The following ARHGAP44 variants were observed in gnomAD, a reference collection of about 807,000 sequenced individuals.
ARHGAP44 encodes the protein Rho GTPase activating protein 44, also known as rho GTPase-activating protein 44.
Under a neutral mutation model 106.8 loss-of-function variants are expected in ARHGAP44, and 43 were observed. That is an observed-to-expected ratio of 0.40 (90% CI 0.32 to 0.52). The LOEUF (loss-of-function observed/expected upper bound fraction) is 0.52. ARHGAP44 is among the 20% of genes least tolerant of loss of function. ARHGAP44 has a pLI of 0.48. For synonymous variants in ARHGAP44, 439 were observed against 410.3 expected (o/e 1.07, Z -0.85); for missense variants, 866 against 1,050.5 (o/e 0.82, Z 2.43).
At chr17:12,906,324 A>T (rs145890634) in intron 3 of ARHGAP44, among the ~76,000 whole-genome samples, 1 of 152,172 alleles carries the variant, frequency 6.6e-6, no homozygotes, top group Non-Finnish European at 1.5e-5. Context: ...CTTGCAATTT[A>T]TTCTGACACT....
At chr17:12,876,111 C>T (rs1307181181) in intron 1 of ARHGAP44, among the ~76,000 whole-genome samples, 1 of 152,204 alleles carries the variant, frequency 6.6e-6, no homozygotes, top group Non-Finnish European at 1.5e-5. Context: ...CATACCCCCA[C>T]TCAGCTCTTT....
intron 10 of ARHGAP44, among the ~76,000 whole-genome samples, chr17:12,946,478 TA>T (rs71144938): frequency 1.0e-3 from 137 of 134,538 alleles, no homozygotes; most frequent in Non-Finnish European, 1.1e-3. Context: ...AGATGCTCTC[TA>T]AAAAAAAAAA....
At position 12,965,076 on chromosome 17, in the gene ARHGAP44, C is replaced by A. The variant is rs931584613; in HGVS notation, c.1523+6179C>A. Among the ~76,000 whole-genome samples the A allele has an allele frequency of 1.2e-4, 18 of 152,158 alleles. 1 individual carries two copies. Among genetic ancestry groups the A allele is most frequent in the Admixed American group, 3.3e-4 (5 of 15,270 alleles). On this transcript the variant is annotated intron_variant, in intron 16 of 20. Transcript: ENST00000379672. ...TCTGTTCTGTTGCCCCTGCTTAGTT[C>A]TAGCCTCTCGTAGCCTGAAACCCAC...
chr17:12,990,080 C>G lies in ARHGAP44; in HGVS notation c.2366C>G (p.Thr789Arg). 6.2e-7 allele frequency: 1 copy of G among 1,612,834 alleles called. No homozygotes were observed. The change falls in exon 21 of 21, where the codon ACG (threonine) becomes AGG (arginine). Residue 789 changes from threonine (T) to arginine (R), a missense_variant. Thr to Arg is a moderately conservative substitution (Grantham distance 71). Around this residue, in one of 2 missense-constraint regions of ARHGAP44, gnomAD observed 418 missense variants for 403.6 expected, o/e 1.04. Coordinates refer to ENST00000379672, the MANE Select transcript of ARHGAP44 (RefSeq NM_014859.6). Reference sequence around the variant, plus strand: ...TCGATCCACATAGAGCTCGGGTCGACGCTCCGCCTGAGTCCCCTGGAGCAC... The same window carrying G: ...TCGATCCACATAGAGCTCGGGTCGAGGCTCCGCCTGAGTCCCCTGGAGCAC... ...IPSIHIELGS[T>R]LRLSPLEHMR...
At chr17:12,904,009 ACTT>A (rs1168587397) in intron 3 of ARHGAP44, among the ~76,000 whole-genome samples, 2 of 152,046 alleles carry the variant, frequency 1.3e-5, no homozygotes, top group East Asian at 1.9e-4. Flanking sequence ...CAGTCCATTA[ACTT>A]CTTCTTACGT....
intron 4 of ARHGAP44, among the ~76,000 whole-genome samples, chr17:12,911,019 A>G (rs1290072445): frequency 1.3e-5 from 2 of 149,192 alleles, no homozygotes; most frequent in African/African-American, 2.5e-5. Flanking sequence ...AAAAAAATAC[A>G]TGGAAGGGAC....
intron 10 of ARHGAP44, 129 bp downstream of exon 10, chr17:12,944,325 G>A: frequency 8.5e-7 from 1 of 1,182,530 alleles, no homozygotes; most frequent in Middle Eastern, 3.1e-4. Context: ...TAAGACAGTG[G>A]CTCAGACCCA....
intron 1 of ARHGAP44, among the ~76,000 whole-genome samples, chr17:12,826,783 T>A (rs1436243050): frequency 6.6e-6 from 1 of 152,210 alleles, no homozygotes; most frequent in Non-Finnish European, 1.5e-5. Flanking sequence ...TTGATCCTTT[T>A]TATTTGTCCA....
intron 18 of ARHGAP44, among the ~76,000 whole-genome samples, chr17:12,974,638 G>C (rs187906400): frequency 6.6e-6 from 1 of 152,040 alleles, no homozygotes; most frequent in African/African-American, 2.4e-5. Flanking sequence ...CCCCATATCC[G>C]TGGGAGATAC....
At chr17:12,792,154 G>A (rs957350025) in intron 1 of ARHGAP44, among the ~76,000 whole-genome samples, 21 of 152,004 alleles carry the variant, frequency 1.4e-4, no homozygotes, top group African/African-American at 3.9e-4. Flanking sequence ...CGTTTTTACT[G>A]TTTTCCCATT....
At chr17:12,925,416 A>G (rs1031335610) in intron 6 of ARHGAP44, among the ~76,000 whole-genome samples, 5 of 152,200 alleles carry the variant, frequency 3.3e-5, no homozygotes, top group Admixed American at 6.5e-5. Context: ...GGGGATGCCC[A>G]TGGCAGAGGA....
In ARHGAP44 at chr17:12,845,090, A is replaced by G. The variant is rs991335040; in HGVS notation, c.54-49850A>G. Among the ~76,000 whole-genome samples the G allele has an allele frequency of 3.9e-5, 6 of 152,070 alleles. 1 individual carries two copies. Among genetic ancestry groups the G allele is most frequent in the Admixed American group, 3.3e-4 (5 of 15,264 alleles). On this transcript the variant is annotated intron_variant, in intron 1 of 20. Transcript: ENST00000379672. ...TTATAGAAGATTGCCAACTAAAGAAACCTTCCTGAACACCCTCCTATTCCC... is the reference window on the plus strand; with the variant it reads ...TTATAGAAGATTGCCAACTAAAGAAGCCTTCCTGAACACCCTCCTATTCCC...
rs575935371 is a variant in ARHGAP44 at position 12,854,512 on chromosome 17, AATG to A, written c.54-40422_54-40420del. On this transcript the variant is annotated intron_variant, in intron 1 of 20. Coordinates refer to ENST00000379672, the MANE Select transcript of ARHGAP44 (RefSeq NM_014859.6). ...AAATGTCCACTGGAGAAGATAAAAGAATGATGATACAGTTAGTGGTTTCTGACA... is the reference window on the plus strand; with the variant it reads ...AAATGTCCACTGGAGAAGATAAAAGAATGATACAGTTAGTGGTTTCTGACA... Among the ~76,000 whole-genome samples the A allele has an allele frequency of 1.1e-3, 174 of 152,350 alleles. 2 individuals are homozygous for A. Among genetic ancestry groups the A allele is most frequent in the African/African-American group, 3.0e-3 (123 of 41,588 alleles).
intron 20 of ARHGAP44, chr17:12,987,281 C>A: frequency 1.3e-6 from 1 of 790,388 alleles, no homozygotes; most frequent in Non-Finnish European, 1.9e-6. Context: ...CTCCAGCCTT[C>A]CCCGGCCTCA....
At chr17:12,828,884 G>A (rs1422658651) in intron 1 of ARHGAP44, among the ~76,000 whole-genome samples, 10 of 151,704 alleles carry the variant, frequency 6.6e-5, no homozygotes, top group East Asian at 1.9e-4. Flanking sequence ...CTCGTGATCC[G>A]CCCACCTCGG....
Position 12,958,579 on chromosome 17 carries a change from A to G in ARHGAP44, c.1343-138A>G. ...TTGGCCTGTTAATGTGATGCATTAT[A>G]TTAATAAGGTGAACCATGGGATGAA... is the stretch of plus-strand genomic sequence containing the variant. On this transcript the variant is annotated intron_variant, in intron 15 of 20. Coordinates refer to ENST00000379672, the MANE Select transcript of ARHGAP44 (RefSeq NM_014859.6). This position sits in a 1 kb window ranked among gnomAD's most constrained non-coding sequence, Gnocchi z 4.1. 1.3e-6 allele frequency: 1 copy of G among 778,804 alleles called. No homozygotes were observed. The highest frequency in any genetic ancestry group is 1.8e-5 in the South Asian group (1 of 55,362). 48.2% of individuals were successfully genotyped at this position (778,804 alleles called of 1,614,324 possible).
intron 1 of ARHGAP44, among the ~76,000 whole-genome samples, chr17:12,843,802 C>A (rs551007242): frequency 1.3e-5 from 2 of 151,594 alleles, no homozygotes; most frequent in South Asian, 4.2e-4. Flanking sequence ...ATTACAGGCA[C>A]GTGCCACCAT....
At chr17:12,802,451 G>A (rs1211630415) in intron 1 of ARHGAP44, among the ~76,000 whole-genome samples, 2 of 152,150 alleles carry the variant, frequency 1.3e-5, no homozygotes, top group Non-Finnish European at 2.9e-5. Context: ...GGGTCACTCA[G>A]GTGATTCACA....
chr17:12,864,251 G>T (rs558720233), intron 1 of ARHGAP44, among the ~76,000 whole-genome samples: 12 of 152,302 alleles, frequency 7.9e-5, no homozygotes, highest in Non-Finnish European at 7.3e-5. Context: ...AGATGCGACA[G>T]TGCTAAGCTT....
Sources: gnomAD v4.1 joint callset for allele counts (sites outside exome capture counted in the v4.1 genomes callset) on GRCh38, gnomAD v4.1.1 for gene constraint, gnomAD v4.1.1 regional missense constraint, Gnocchi (gnomAD v3.1) non-coding constraint, MANE v1.5 for transcripts, NCBI Gene and HGNC (gene_info 2026-07-23, HGNC 2026-07-21) for gene names.